Variants in THBS4 observed in about 807,000 individuals in gnomAD.
The protein encoded by THBS4 is thrombospondin-4.
Under a neutral mutation model 115.7 loss-of-function variants are expected in THBS4, and 90 were observed. The observed-to-expected ratio is 0.78, with a 90% CI of 0.66 to 0.93. The LOEUF (loss-of-function observed/expected upper bound fraction) is 0.93, where lower values mean the gene tolerates loss of function less well. Ranked by LOEUF, THBS4 falls within the 40% of genes least tolerant of loss-of-function variation. The pLI, the probability that THBS4 is intolerant of heterozygous loss-of-function variation, is 0.00. For synonymous variants in THBS4, 460 were observed against 479.3 expected, an observed-to-expected ratio of 0.96 and a Z score of 0.53; for missense variants, 1,087 against 1,232.7, an observed-to-expected ratio of 0.88 and a Z score of 1.77.
intron 2 of THBS4, among the ~76,000 whole-genome samples, chr5:80,028,024 C>CTTTCT (rs1291913160): frequency 6.6e-6 from 1 of 151,658 alleles, no homozygotes; most frequent in Non-Finnish European, 1.5e-5. Context: ...TCTATATATA[C>CTTTCT]TTTCTGCTTT....
At position 80,058,229 on chromosome 5, in the gene THBS4, G is replaced by A. The variant is rs764061450; in HGVS notation, c.564G>A (p.Leu188=). ...KPQDFLEELK[L]VVRGSLFQVA... ...AGGACTTCTTGGAAGAGCTGAAGCT[G>A]GTGGTGAGAGGCTCACTGTTCCAGG... The change falls in exon 4 of 22, where the codon CTG becomes CTA. Residue 188 remains leucine (L), a synonymous_variant. Transcript: ENST00000350881. 2 of 1,576,898 alleles carry A rather than the reference G, an allele frequency of 1.3e-6. No individual in the cohort carries two copies. Among genetic ancestry groups the A allele is most frequent in the South Asian group, 2.3e-5 (2 of 85,912 alleles).
intron 2 of THBS4, among the ~76,000 whole-genome samples, chr5:80,005,871 A>G (rs1013392786): frequency 6.7e-6 from 1 of 150,020 alleles, no homozygotes; most frequent in Non-Finnish European, 1.5e-5. Context: ...GGTTCAAGCA[A>G]TTCTCCTGCC....
At chr5:80,010,769 C>A (rs192914776) in intron 2 of THBS4, among the ~76,000 whole-genome samples, 1 of 152,210 alleles carries the variant, frequency 6.6e-6, no homozygotes, top group Non-Finnish European at 1.5e-5. Flanking sequence ...TGATACGGGG[C>A]GTTGAAGCTG....
intron 3 of THBS4, among the ~76,000 whole-genome samples, chr5:80,057,141 CTCTT>C (rs1833460322): frequency 1.3e-5 from 2 of 152,152 alleles, no homozygotes; most frequent in South Asian, 2.1e-4. Flanking sequence ...ATGCTAAACT[CTCTT>C]TCTGCATCCC....
chr5:80,073,635 C>T (rs7711310), intron 15 of THBS4, among the ~76,000 whole-genome samples: 1,577 of 152,184 alleles, frequency 0.01, 34 homozygotes, highest in African/African-American at 0.036. Context: ...CTGCCCGCCT[C>T]GGCCTCCCAA....
rs1341759925 is a variant in THBS4, at chr5:79,995,857, C to G, written n.82-2475C>G. Among the ~76,000 whole-genome samples, 5 of 152,012 alleles carry G rather than the reference C, an allele frequency of 3.3e-5. No homozygotes were observed. In the South Asian group the frequency reaches 8.3e-4, roughly 25 times the overall value. On this transcript the variant is annotated intron_variant and non_coding_transcript_variant, in intron 1 of 3. Coordinates refer to the THBS4 transcript ENST00000510218. ...TTAAAAAGACAGCTGGGCACAGTGG[C>G]TCACACCTGTAATCCCAGAATTTTG...
chr5:80,021,411 A>G (rs1204860486), intron 2 of THBS4, among the ~76,000 whole-genome samples: 5 of 152,190 alleles, frequency 3.3e-5, no homozygotes, highest in Non-Finnish European at 7.3e-5. Context: ...GATTTTAATA[A>G]AAGTATGTTA....
At chr5:80,061,318 G>C (rs1561317022) in intron 7 of THBS4, among the ~76,000 whole-genome samples, 1 of 152,034 alleles carries the variant, frequency 6.6e-6, no homozygotes, top group Non-Finnish European at 1.5e-5. Context: ...TGAGTAGTTG[G>C]TTTGCTGATG....
At chr5:79,994,328 A>G (rs1831746586) in intron 1 of THBS4, among the ~76,000 whole-genome samples, 1 of 152,142 alleles carries the variant, frequency 6.6e-6, no homozygotes, top group Non-Finnish European at 1.5e-5. Flanking sequence ...TTGGCTTCAG[A>G]GTTTATACTC....
chr5:80,040,088 C>A lies in THBS4; in HGVS notation c.100C>A (p.Leu34Ile). The A allele has an allele frequency of 4.3e-6, 7 of 1,614,090 alleles. No homozygotes were observed. Among genetic ancestry groups the A allele is most frequent in the Non-Finnish European group, 5.9e-6 (7 of 1,180,014 alleles). ...AQATPQVFDL[L>I]PSSSQRLNPG... Reference sequence around the variant, plus strand: ...TCCCTTCTTCCCAGTCTTTGACCTTCTCCCATCTTCCAGTCAGAGGCTAAA... The same window carrying A: ...TCCCTTCTTCCCAGTCTTTGACCTTATCCCATCTTCCAGTCAGAGGCTAAA... Residue 34 changes from leucine (L) to isoleucine (I), a missense_variant, in exon 2 of 22, where the codon CTC becomes ATC. Coordinates refer to ENST00000350881, the MANE Select transcript of THBS4 (RefSeq NM_003248.6).
chr5:80,035,557 C>T lies in THBS4; in HGVS notation c.20C>T (p.Ala7Val). Residue 7 changes from alanine (A) to valine (V), a missense_variant, in exon 1 of 22, where the codon GCC (alanine) becomes GTC (valine). Physicochemically the swap from Ala to Val is moderately conservative, Grantham distance 64. Transcript: ENST00000350881. This position sits in a 1 kb window ranked among gnomAD's most constrained non-coding sequence, Gnocchi z 4.6. Reference sequence around the variant, plus strand: ...GCCAACATGCTGGCCCCGCGCGGAGCCGCCGTCCTCCTGCTGCACCTGGTC... The same window carrying T: ...GCCAACATGCTGGCCCCGCGCGGAGTCGCCGTCCTCCTGCTGCACCTGGTC... MLAPRGAAVLLLHLVLQ... is the reference protein window; with the variant it reads MLAPRGVAVLLLHLVLQ... The T allele has an allele frequency of 1.4e-6, 2 of 1,420,418 alleles. No individual in the cohort carries two copies. Among genetic ancestry groups the T allele is most frequent in the African/African-American group, 1.5e-5 (1 of 68,068 alleles). 88.0% of individuals were successfully genotyped at this position (1,420,418 alleles called of 1,614,324 possible). A position where few individuals can be genotyped will look rare whatever the true frequency, so the allele number is the denominator to read the frequency against.
intron 2 of THBS4, among the ~76,000 whole-genome samples, chr5:80,051,583 G>A (rs1416222246): frequency 6.6e-6 from 1 of 152,094 alleles, no homozygotes. Context: ...GTGTTACATT[G>A]CAACAAAAAG....
intron 2 of THBS4, among the ~76,000 whole-genome samples, chr5:80,024,726 T>C (rs1013960376): frequency 6.6e-6 from 1 of 152,160 alleles, no homozygotes; most frequent in African/African-American, 2.4e-5. Flanking sequence ...AAGCAAATAC[T>C]AAAAAACTGA....
intron 2 of THBS4, among the ~76,000 whole-genome samples, chr5:80,049,908 A>G (rs1833199717): frequency 6.6e-6 from 1 of 152,218 alleles, no homozygotes; most frequent in Admixed American, 6.5e-5. Flanking sequence ...GACCTAAAGT[A>G]GGAAGGGGAG....
rs1009425718 is a variant in THBS4 at position 80,058,695 on chromosome 5, G to A, written c.650-13G>A. 2 of 1,613,872 alleles carry A rather than the reference G, an allele frequency of 1.2e-6. No homozygotes were observed. Among genetic ancestry groups the A allele is most frequent in the East Asian group, 2.2e-5 (1 of 44,868 alleles). On this transcript the variant is annotated splice_polypyrimidine_tract_variant and intron_variant, in intron 4 of 21. Transcript: ENST00000350881. ...ACTGGCTGAAAACTCTTTGCCTTTT[G>A]CTGTTCCTACAGGGGACTTTAACCG...
At chr5:80,022,119 C>G (rs1289354571) in intron 2 of THBS4, among the ~76,000 whole-genome samples, 1 of 152,150 alleles carries the variant, frequency 6.6e-6, no homozygotes, top group African/African-American at 2.4e-5. Flanking sequence ...ACCCATTATG[C>G]TGATACAACA....
At chr5:80,007,943 G>A (rs1465765674) in intron 2 of THBS4, among the ~76,000 whole-genome samples, 3 of 152,164 alleles carry the variant, frequency 2.0e-5, no homozygotes, top group Non-Finnish European at 4.4e-5. Flanking sequence ...TACAAGAAAA[G>A]AGAATGAAAG....
At chr5:80,068,856 G>A (rs1318902435) in intron 10 of THBS4, 2 of 152,992 alleles carry the variant, frequency 1.3e-5, no homozygotes, top group Non-Finnish European at 2.9e-5. Flanking sequence ...GTGAAGGAGA[G>A]GGCATGCTCC....
At chr5:79,994,763 G>A (rs1053961491) in intron 1 of THBS4, among the ~76,000 whole-genome samples, 2 of 152,198 alleles carry the variant, frequency 1.3e-5, no homozygotes, top group Admixed American at 1.3e-4. Context: ...CCGTGATTGT[G>A]CAAAAACTTA....
Sources: gnomAD v4.1 joint callset for allele counts (sites outside exome capture counted in the v4.1 genomes callset) on GRCh38, gnomAD v4.1.1 for gene constraint, Gnocchi (gnomAD v3.1) non-coding constraint, MANE v1.5 for transcripts, NCBI Gene and HGNC (gene_info 2026-07-23, HGNC 2026-07-21) for gene names.